GMDS: variants seen among roughly 807,000 people sequenced by gnomAD.
GMDS encodes GDP-mannose 4,6-dehydratase.
Under a neutral mutation model 49.9 loss-of-function variants are expected in GMDS, and 20 were observed. The observed-to-expected ratio is 0.40, with a 90% CI of 0.28 to 0.58. The LOEUF (loss-of-function observed/expected upper bound fraction) is 0.58. GMDS is among the 20% of genes least tolerant of loss of function. The pLI, the probability that GMDS is intolerant of heterozygous loss-of-function variation, is 0.42. For missense variants in GMDS, 362 were observed against 481.4 expected (o/e 0.75, Z 2.32); for synonymous variants, 177 against 178.6 (o/e 0.99, Z 0.07).
At chr6:2,245,252 T>A (rs1386429767) in intron 1 of GMDS, 69 bp downstream of exon 1, 12 of 1,061,276 alleles carry the variant, frequency 1.1e-5, no homozygotes, top group Non-Finnish European at 1.7e-5. Flanking sequence ...AGCCCACGAG[T>A]AGCGGCGCGT....
chr6:1,961,439 A>G (rs1384716041), intron 4 of GMDS, among the ~76,000 whole-genome samples: 1 of 152,202 alleles, frequency 6.6e-6, no homozygotes, highest in Admixed American at 6.5e-5. Context: ...TTTATTTTCT[A>G]TTCTAAAGGT....
intron 7 of GMDS, among the ~76,000 whole-genome samples, chr6:1,876,503 G>A (rs1424665360): frequency 6.6e-6 from 1 of 152,174 alleles, no homozygotes; most frequent in African/African-American, 2.4e-5. Context: ...AGGAGGCTGT[G>A]CTCTTTGGCT....
At chr6:1,646,582 C>T (rs1281838736) in intron 9 of GMDS, among the ~76,000 whole-genome samples, 1 of 151,946 alleles carries the variant, frequency 6.6e-6, no homozygotes, top group Non-Finnish European at 1.5e-5. Flanking sequence ...TGGATTTTTG[C>T]CATGTTGCCC....
chr6:1,840,029 GC>G (rs1298367189), intron 7 of GMDS, among the ~76,000 whole-genome samples: 21 of 152,214 alleles, frequency 1.4e-4, no homozygotes, highest in Non-Finnish European at 2.5e-4. Flanking sequence ...GGCAGAAAAT[GC>G]CTAGATAGAA....
intron 7 of GMDS, among the ~76,000 whole-genome samples, chr6:1,762,042 T>C (rs1222957036): frequency 6.6e-6 from 1 of 152,228 alleles, no homozygotes; most frequent in Non-Finnish European, 1.5e-5. Context: ...TAAACCTGAT[T>C]ACAGAAAAAG....
chr6:1,737,795 A>C (rs1581527929), intron 8 of GMDS, among the ~76,000 whole-genome samples: 1 of 49,638 alleles, frequency 2.0e-5, no homozygotes, highest in East Asian at 1.5e-3. Flanking sequence ...ATACACACAT[A>C]CATACACACA....
intron 9 of GMDS, among the ~76,000 whole-genome samples, chr6:1,657,837 TAACAAAGAAC>T (rs1763933540): frequency 3.0e-5 from 2 of 67,620 alleles, no homozygotes; most frequent in Non-Finnish European, 5.7e-5. Context: ...AAGATCCTTG[TAACAAAGAAC>T]TCAAGCAAAA....
At chr6:1,875,437 T>C (rs1306051241) in intron 7 of GMDS, among the ~76,000 whole-genome samples, 1 of 152,022 alleles carries the variant, frequency 6.6e-6, no homozygotes, top group Non-Finnish European at 1.5e-5. Context: ...ACAAGATGTA[T>C]TACAGAAAAA....
intron 9 of GMDS, among the ~76,000 whole-genome samples, chr6:1,687,623 C>T (rs1394173837): frequency 6.6e-6 from 1 of 152,084 alleles, no homozygotes; most frequent in African/African-American, 2.4e-5. Context: ...ATGGACAGGG[C>T]CCTTAGCCAT....
intron 9 of GMDS, among the ~76,000 whole-genome samples, chr6:1,704,532 A>C (rs1342593587): frequency 2.0e-5 from 3 of 152,236 alleles, no homozygotes; most frequent in Non-Finnish European, 4.4e-5. Context: ...AACTTCAAAA[A>C]ATTAAAGGAA....
At chr6:1,741,967 G>A (rs1300681462) in intron 8 of GMDS, among the ~76,000 whole-genome samples, 1 of 150,070 alleles carries the variant, frequency 6.7e-6, no homozygotes, top group African/African-American at 2.5e-5. Flanking sequence ...TTTCACCCAG[G>A]CTGGAGTGCA....
chr6:2,207,023 T>A (rs1464067776), intron 1 of GMDS, among the ~76,000 whole-genome samples: 4 of 152,214 alleles, frequency 2.6e-5, no homozygotes, highest in African/African-American at 9.6e-5. Context: ...TAAGTTTTAC[T>A]TATAAGGTCA....
intron 4 of GMDS, among the ~76,000 whole-genome samples, chr6:2,110,904 A>G (rs903496351): frequency 6.6e-6 from 1 of 152,210 alleles, no homozygotes; most frequent in Non-Finnish European, 1.5e-5. Flanking sequence ...TCCTTTTCAA[A>G]ACTAAAAAAA....
intron 7 of GMDS, among the ~76,000 whole-genome samples, chr6:1,799,168 C>T (rs889596227): frequency 2.0e-5 from 3 of 152,048 alleles, no homozygotes; most frequent in African/African-American, 7.2e-5. Context: ...GAGAACTGGC[C>T]GTGACGAGGG....
At chr6:2,224,033 A>G (rs1176472848) in intron 1 of GMDS, among the ~76,000 whole-genome samples, 1 of 152,238 alleles carries the variant, frequency 6.6e-6, no homozygotes, top group Non-Finnish European at 1.5e-5. Context: ...AGGAAAAGTG[A>G]CAGTGATAAC....
intron 5 of GMDS, among the ~76,000 whole-genome samples, chr6:1,960,306 G>A (rs1763866849): frequency 6.6e-6 from 1 of 151,916 alleles, no homozygotes; most frequent in Non-Finnish European, 1.5e-5. Flanking sequence ...CATTCCAACT[G>A]CTTTGAAATT....
At chr6:1,853,450 G>A (rs1225837062) in intron 7 of GMDS, among the ~76,000 whole-genome samples, 1 of 149,318 alleles carries the variant, frequency 6.7e-6, no homozygotes, top group Non-Finnish European at 1.5e-5. Context: ...CCCGGGAGGC[G>A]GAGCTTGCAG....
At chr6:1,670,369 G>T (rs199604277) in intron 9 of GMDS, among the ~76,000 whole-genome samples, 9 of 140,874 alleles carry the variant, frequency 6.4e-5, no homozygotes, top group Non-Finnish European at 9.4e-5. Flanking sequence ...GGTTTTTTTT[G>T]GTTTTTTTTT....
chr6:2,201,202 G>A (rs1343287314), intron 1 of GMDS, among the ~76,000 whole-genome samples: 1 of 131,786 alleles, frequency 7.6e-6, no homozygotes, highest in African/African-American at 3.0e-5. Flanking sequence ...GATGAAGAGA[G>A]AGCACCACAT....
Sources: allele counts gnomAD v4.1 joint callset (sites outside exome capture counted in the v4.1 genomes callset), GRCh38; gene constraint gnomAD v4.1.1; transcripts MANE v1.5; gene names NCBI Gene and HGNC (gene_info 2026-07-23, HGNC 2026-07-21).